LRRC37A2: variants seen among roughly 807,000 people sequenced by gnomAD.
LRRC37A2 encodes leucine-rich repeat-containing protein 37A2.
A neutral mutation model predicts 68.8 loss-of-function variants in LRRC37A2; 9 were observed. The observed-to-expected ratio is 0.13, with a 90% CI of 0.08 to 0.23. The LOEUF (loss-of-function observed/expected upper bound fraction) is 0.23. Among genes scored for constraint, LRRC37A2 ranks in the 10% least tolerant of loss-of-function variants. The pLI is 1.00. For missense variants in LRRC37A2, 168 were observed against 950.4 expected (o/e 0.18, Z 10.82); for synonymous variants, 63 against 367.6 (o/e 0.17, Z 9.48).
At chr17:46,925,197 C>T in the LRRC37A2 span, among the ~76,000 whole-genome samples, 2 of 152,190 alleles carry the variant, frequency 1.3e-5, no homozygotes, top group African/African-American at 4.8e-5. Context: ...AGTTACTACT[C>T]TGCTGTTATA....
the LRRC37A2 span, among the ~76,000 whole-genome samples, chr17:47,015,295 A>G: frequency 6.6e-6 from 1 of 152,216 alleles, no homozygotes; most frequent in African/African-American, 2.4e-5. Context: ...GGCATGAGCC[A>G]CTGCGCCCAG....
the LRRC37A2 span, among the ~76,000 whole-genome samples, chr17:46,820,128 C>A: frequency 6.6e-6 from 1 of 152,234 alleles, no homozygotes. Flanking sequence ...ACATTCCTGG[C>A]CTTTGATCTG....
At chr17:46,539,061 G>GA (rs1246951804) in intron 6 of LRRC37A2, among the ~76,000 whole-genome samples, 6 of 45,138 alleles carry the variant, frequency 1.3e-4, no homozygotes, top group Non-Finnish European at 2.9e-4. Context: ...CAGGCACGGG[G>GA]ATGACAGGGC....
chr17:46,776,720 C>T, the LRRC37A2 span, among the ~76,000 whole-genome samples: 2 of 152,140 alleles, frequency 1.3e-5, no homozygotes, highest in African/African-American at 2.4e-5. Flanking sequence ...CTTGCACCAT[C>T]CTAGATGGGC....
At chr17:46,826,817 C>G in the LRRC37A2 span, among the ~76,000 whole-genome samples, 1 of 139,582 alleles carries the variant, frequency 7.2e-6, no homozygotes, top group Admixed American at 7.8e-5. Context: ...AAGTCTCGCT[C>G]TATCACCCAG....
chr17:46,899,179 T>C, the LRRC37A2 span, among the ~76,000 whole-genome samples: 2 of 151,930 alleles, frequency 1.3e-5, no homozygotes, highest in Non-Finnish European at 2.9e-5. Flanking sequence ...CACTTGAGCT[T>C]AGGAGTTGGA....
At chr17:46,761,229 T>C in the LRRC37A2 span, among the ~76,000 whole-genome samples, 1 of 152,144 alleles carries the variant, frequency 6.6e-6, no homozygotes, top group East Asian at 1.9e-4. Context: ...CATCAACTTC[T>C]GGTGGCTATT....
the LRRC37A2 span, among the ~76,000 whole-genome samples, chr17:46,998,245 C>G: frequency 2.0e-5 from 3 of 152,214 alleles, no homozygotes; most frequent in African/African-American, 7.2e-5. Flanking sequence ...AGCAGCCTAT[C>G]TCTTATTAGA....
the LRRC37A2 span, chr17:46,941,740 ATTTT>A: frequency 6.7e-6 from 1 of 149,434 alleles, no homozygotes; most frequent in Non-Finnish European, 1.4e-5. Context: ...TGTCTGGCTA[ATTTT>A]TTTTTTTTTT....
chr17:46,541,189 T>C (rs990632537), intron 8 of LRRC37A2, among the ~76,000 whole-genome samples: 2 of 147,042 alleles, frequency 1.4e-5, no homozygotes, highest in African/African-American at 5.3e-5. Flanking sequence ...TTTTCCAGAA[T>C]GTCTTATAAA....
the LRRC37A2 span, chr17:46,966,626 G>C: frequency 1.5e-6 from 1 of 667,882 alleles, no homozygotes; most frequent in Non-Finnish European, 2.7e-6. Context: ...TGGGATTATA[G>C]GTATGAGCCA....
the LRRC37A2 span, among the ~76,000 whole-genome samples, chr17:46,925,738 C>T: frequency 6.6e-6 from 1 of 152,036 alleles, no homozygotes; most frequent in Admixed American, 6.6e-5. Flanking sequence ...AACTTTGAAC[C>T]CAGTTTGTGA....
At chr17:46,873,086 TC>T in the LRRC37A2 span, among the ~76,000 whole-genome samples, 1 of 139,820 alleles carries the variant, frequency 7.2e-6, no homozygotes, top group Non-Finnish European at 1.5e-5. Flanking sequence ...CTCTGCCTCT[TC>T]ACACACACAC....
At chr17:46,548,500 A>C (rs199913382) in exon 10 of LRRC37A2, 268,762 of 1,257,516 alleles carry the variant, frequency 0.21, 29,575 homozygotes, top group Non-Finnish European at 0.25. Flanking sequence ...CAGTACACTA[A>C]GTTACATCTT....
chr17:46,872,412 C>T, the LRRC37A2 span: 3 of 1,384,854 alleles, frequency 2.2e-6, no homozygotes, highest in Non-Finnish European at 2.8e-6. Flanking sequence ...CAGCCTGCTG[C>T]CCAGAAGGGC....
At chr17:46,978,929 T>C in the LRRC37A2 span, 10 of 1,459,688 alleles carry the variant, frequency 6.9e-6, no homozygotes, top group Non-Finnish European at 9.0e-6. Context: ...TGGGTGCGGT[T>C]TCCCAGGGCG....
chr17:46,840,048 C>A, the LRRC37A2 span, among the ~76,000 whole-genome samples: 1 of 135,960 alleles, frequency 7.4e-6, no homozygotes, highest in Admixed American at 7.8e-5. Flanking sequence ...TTCTTTCTTT[C>A]TCTCTCTCTC....
At chr17:46,775,649 T>A in the LRRC37A2 span, among the ~76,000 whole-genome samples, 1 of 147,634 alleles carries the variant, frequency 6.8e-6, no homozygotes, top group Non-Finnish European at 1.5e-5. Flanking sequence ...AGTCTCGCTG[T>A]GTCACCCAGG....
chr17:47,033,695 T>C, the LRRC37A2 span, among the ~76,000 whole-genome samples: 3 of 152,330 alleles, frequency 2.0e-5, no homozygotes, highest in East Asian at 5.8e-4. Context: ...AGCCCATCTA[T>C]CTGGACCTGT....
Sources: gnomAD v4.1 joint callset for allele counts (sites outside exome capture counted in the v4.1 genomes callset) on GRCh38, gnomAD v4.1.1 for gene constraint, MANE v1.5 for transcripts, NCBI Gene and HGNC (gene_info 2026-07-23, HGNC 2026-07-21) for gene names.